ZPLD1: variants seen among roughly 807,000 people sequenced by gnomAD.
ZPLD1 encodes the protein zona pellucida like domain containing 1, also known as zona pellucida-like domain-containing protein 1.
ZPLD1 carries 34 observed loss-of-function variants against 47.2 expected under a neutral mutation model. The observed-to-expected ratio is 0.72, with a 90% confidence interval of 0.55 to 0.96. The LOEUF (loss-of-function observed/expected upper bound fraction) is 0.96, where lower values mean the gene tolerates loss of function less well. ZPLD1 is among the 40% of genes least tolerant of loss of function. ZPLD1 has a pLI of 0.00. For synonymous variants in ZPLD1, 176 were observed against 186.2 expected, an observed-to-expected ratio of 0.95 and a Z score of 0.45; for missense variants, 512 against 505.8, an observed-to-expected ratio of 1.01 and a Z score of -0.12.
chr3:102,474,651 C>T (rs1208716105), intron 10 of ZPLD1, among the ~76,000 whole-genome samples: 1 of 152,052 alleles, frequency 6.6e-6, no homozygotes, highest in Non-Finnish European at 1.5e-5. Context: ...CTGCATGTAT[C>T]TTTGGTGGTC....
chr3:102,400,698 A>T (rs1706610121), intron 7 of ZPLD1, among the ~76,000 whole-genome samples: 2 of 151,872 alleles, frequency 1.3e-5, no homozygotes, highest in South Asian at 4.1e-4. Context: ...TGTTTCCCTC[A>T]TTGGGATAGT....
chr3:102,422,986 A>G (rs1706898566), intron 8 of ZPLD1, among the ~76,000 whole-genome samples: 1 of 152,112 alleles, frequency 6.6e-6, no homozygotes, highest in South Asian at 2.1e-4. Context: ...ATAAAATTTT[A>G]TATCATTTGA....
chr3:102,446,440 G>T (rs2107328487), intron 3 of ZPLD1, among the ~76,000 whole-genome samples: 1 of 152,178 alleles, frequency 6.6e-6, no homozygotes, highest in African/African-American at 2.4e-5. Flanking sequence ...TGAATATTTG[G>T]TGATTCTCAA....
chr3:102,466,843 G>A (rs771931559), intron 8 of ZPLD1, among the ~76,000 whole-genome samples: 5 of 151,786 alleles, frequency 3.3e-5, no homozygotes, highest in Admixed American at 1.3e-4. Context: ...AAGGGAATTC[G>A]ATATATGTAT....
chr3:102,434,877 A>C (rs1707063310), upstream of ZPLD1: 3 of 470,562 alleles, frequency 6.4e-6, no homozygotes, highest in East Asian at 9.5e-5. Context: ...TAAACCACAG[A>C]ATCAGGTTCT....
chr3:102,398,475 A>G (rs1230233291), intron 7 of ZPLD1, among the ~76,000 whole-genome samples: 1 of 152,030 alleles, frequency 6.6e-6, no homozygotes, highest in Non-Finnish European at 1.5e-5. Context: ...TCTCTTTCTA[A>G]TATAGATGTT....
chr3:102,461,475 A>G (rs1373362622), intron 6 of ZPLD1, among the ~76,000 whole-genome samples: 1 of 152,038 alleles, frequency 6.6e-6, no homozygotes, highest in Non-Finnish European at 1.5e-5. Context: ...AGGGTAGAAA[A>G]GTAAAAATGA....
intron 7 of ZPLD1, among the ~76,000 whole-genome samples, chr3:102,392,826 T>C (rs1232682725): frequency 6.6e-6 from 1 of 152,180 alleles, no homozygotes; most frequent in East Asian, 1.9e-4. Flanking sequence ...CAAAAACAGT[T>C]GCACTTTTTA....
At chr3:102,464,376 T>A in intron 8 of ZPLD1, 125 bp downstream of exon 8, 1 of 652,828 alleles carries the variant, frequency 1.5e-6, no homozygotes, top group Non-Finnish European at 2.5e-6. Flanking sequence ...AAGTTTTACA[T>A]TTTGAACTTT....
chr3:102,418,156 G>A (rs1338559966), exon 8 of ZPLD1: 1 of 152,408 alleles, frequency 6.6e-6, no homozygotes, highest in Non-Finnish European at 1.5e-5. Context: ...AGTCACATGC[G>A]GCAGAACCTA....
intron 7 of ZPLD1, among the ~76,000 whole-genome samples, chr3:102,398,392 C>A (rs532115266): frequency 2.0e-5 from 3 of 152,098 alleles, no homozygotes; most frequent in South Asian, 2.1e-4. Context: ...ATTTCTACCC[C>A]TGATTTGTTG....
intron 3 of ZPLD1, among the ~76,000 whole-genome samples, chr3:102,446,682 A>G (rs1168241513): frequency 3.3e-5 from 5 of 152,168 alleles, no homozygotes; most frequent in Non-Finnish European, 5.9e-5. Context: ...TCACTTCCTT[A>G]TAGAATCTAA....
intron 7 of ZPLD1, among the ~76,000 whole-genome samples, chr3:102,407,207 G>A (rs1706697591): frequency 6.6e-6 from 1 of 150,832 alleles, no homozygotes; most frequent in African/African-American, 2.4e-5. Flanking sequence ...ACATACCTTG[G>A]AAAGAACTAA....
intron 7 of ZPLD1, among the ~76,000 whole-genome samples, chr3:102,396,502 G>T (rs748564431): frequency 6.6e-6 from 1 of 152,058 alleles, no homozygotes; most frequent in Non-Finnish European, 1.5e-5. Context: ...AGATTATTTG[G>T]TATTGATTAC....
At chr3:102,395,381 T>C (rs1706545640) in intron 7 of ZPLD1, among the ~76,000 whole-genome samples, 1 of 152,098 alleles carries the variant, frequency 6.6e-6, no homozygotes, top group Admixed American at 6.6e-5. Flanking sequence ...AATGTAGTCA[T>C]ATGGGTCTTG....
chr3:102,462,378 GGT>G lies in ZPLD1; in HGVS notation c.680+1_680+2del. On this transcript the variant is annotated splice_donor_variant, in intron 7 of 11. Transcript: ENST00000466937. LOFTEE classifies it high-confidence loss of function. ...GTCCAAGCCACTAATTTGGATGGCAGGTAATTTCAAACTCTTGTCTTTTTTAG... is the reference window on the plus strand; with the variant it reads ...GTCCAAGCCACTAATTTGGATGGCAGAATTTCAAACTCTTGTCTTTTTTAG... 1 of 1,603,108 alleles carries G rather than the reference GGT, an allele frequency of 6.2e-7. No individual in the cohort carries two copies. The highest frequency in any genetic ancestry group is 8.5e-7 in the Non-Finnish European group (1 of 1,173,910).
intron 1 of ZPLD1, among the ~76,000 whole-genome samples, chr3:102,435,618 G>A (rs1707077881): frequency 6.7e-6 from 1 of 149,366 alleles, no homozygotes; most frequent in East Asian, 2.0e-4. Context: ...ACTTTGTAAA[G>A]TCTATGATCA....
rs997937527 is a variant in ZPLD1 at position 102,426,111 on chromosome 3, TACAC to T, written c.-9+7920_-9+7923del. 1.7e-3 allele frequency among the ~76,000 whole-genome samples: 241 copies of T among 144,214 alleles called. 1 individual carries two copies. The highest frequency in any genetic ancestry group is 5.2e-3 in the African/African-American group (194 of 37,342). 94.6% of individuals were successfully genotyped at this position (144,214 alleles called of 152,430 possible). On this transcript the variant is annotated intron_variant, in intron 8 of 17. Coordinates refer to the ZPLD1 transcript ENST00000491959. ...ATCTTTAACATTTTGACATATTTCC[TACAC>T]ACACACACACACACATGCACACACA...
rs776042081 is a variant in ZPLD1, at chr3:102,470,467, C to G, written c.1007C>G (p.Ala336Gly). 116 of 1,613,860 alleles carry G rather than the reference C, an allele frequency of 7.2e-5. No homozygotes were observed. The highest frequency in any genetic ancestry group is 9.2e-5 in the Non-Finnish European group (108 of 1,179,996). ...AGCCCCCAGAGCTCTTCTGGCAGCG[C>G]GGTGCTCTCTGCTGGTCCCATCATT... ...TWSPQSSSGSAVLSAGPIITR... is the reference protein window; with the variant it reads ...TWSPQSSSGSGVLSAGPIITR... The change falls in exon 10 of 12, where the codon GCG becomes GGG. Residue 336 changes from alanine to glycine, a missense_variant. Coordinates refer to ENST00000466937, the MANE Select transcript of ZPLD1 (RefSeq NM_001329788.2).
Sources: gnomAD v4.1 joint callset for allele counts (sites outside exome capture counted in the v4.1 genomes callset) on GRCh38, gnomAD v4.1.1 for gene constraint, MANE v1.5 for transcripts, NCBI Gene and HGNC (gene_info 2026-07-23, HGNC 2026-07-21) for gene names.